FNDC3B: variants seen among roughly 807,000 people sequenced by gnomAD.
FNDC3B encodes the protein fibronectin type III domain containing 3B.
In FNDC3B, 12 loss-of-function variants were observed where a neutral mutation model predicts 151.5. The observed-to-expected ratio is 0.08, with a 90% CI of 0.05 to 0.13. FNDC3B has a LOEUF of 0.13. Among genes scored for constraint, FNDC3B ranks in the 10% least tolerant of loss-of-function variants. The probability of loss-of-function intolerance (pLI) is 1.00; values close to 1 mark genes in which losing one functional copy is unlikely to be tolerated. For missense variants in FNDC3B, 1,214 were observed against 1,505.3 expected (o/e 0.81, Z 3.20); for synonymous variants, 528 against 549.0 (o/e 0.96, Z 0.54).
intron 3 of FNDC3B, among the ~76,000 whole-genome samples, chr3:172,221,565 A>T (rs191359106): frequency 6.6e-6 from 1 of 152,220 alleles, no homozygotes; most frequent in South Asian, 2.1e-4. Context: ...GATGATGTGG[A>T]TGCACACTGA....
At chr3:172,074,478 G>C (rs1350959597) in intron 1 of FNDC3B, among the ~76,000 whole-genome samples, 4 of 152,166 alleles carry the variant, frequency 2.6e-5, no homozygotes, top group Non-Finnish European at 5.9e-5. Flanking sequence ...GATTAGTTCT[G>C]TTTAACAGCA....
intron 3 of FNDC3B, among the ~76,000 whole-genome samples, chr3:172,194,998 G>A (rs937043084): frequency 1.2e-4 from 19 of 152,094 alleles, no homozygotes; most frequent in Non-Finnish European, 7.4e-5. Flanking sequence ...AGTTTCCAAG[G>A]TTATAACTAA....
intron 6 of FNDC3B, among the ~76,000 whole-genome samples, chr3:172,280,384 G>A (rs1313533952): frequency 1.3e-5 from 2 of 152,004 alleles, no homozygotes; most frequent in Non-Finnish European, 2.9e-5. Flanking sequence ...TTTTCATATT[G>A]ATTGTTTACT....
At chr3:172,145,112 T>C (rs546353881) in intron 3 of FNDC3B, among the ~76,000 whole-genome samples, 155 of 152,286 alleles carry the variant, frequency 1.0e-3, no homozygotes, top group Admixed American at 4.4e-3. Flanking sequence ...ATAATACCTT[T>C]TTGGATGCTT....
intron 2 of FNDC3B, among the ~76,000 whole-genome samples, chr3:172,117,439 C>T (rs1720317874): frequency 6.6e-6 from 1 of 152,170 alleles, no homozygotes; most frequent in African/African-American, 2.4e-5. Flanking sequence ...TAAAATGTAG[C>T]AGCCAGTTTT....
Position 172,352,884 on chromosome 3 carries a change from A to G in FNDC3B, c.2596A>G (p.Thr866Ala), listed in dbSNP as rs1733925656. The G allele has an allele frequency of 2.5e-6, 4 of 1,613,400 alleles. No homozygotes were observed. In the East Asian group the frequency reaches 8.9e-5, roughly 36 times the overall value. The change falls in exon 22 of 26, where the codon ACT becomes GCT. Residue 866 changes from threonine to alanine, a missense_variant. This residue lies in a region of FNDC3B where 380 missense variants were observed against 420.9 expected (regional missense o/e 0.90). Transcript: ENST00000415807. This position sits in a 1 kb window ranked among gnomAD's most constrained non-coding sequence, Gnocchi z 4.2. Reference protein sequence around the residue: ...TPASAPDPVSTLCVLEEEPLD... With the variant: ...TPASAPDPVSALCVLEEEPLD... ...AGCGTCTGCCCCTGACCCCGTCTCC[A>G]CTCTCTGTGTCCTGGAGGAGGAGCC...
At chr3:172,251,716 TTA>T (rs1728090742) in intron 6 of FNDC3B, among the ~76,000 whole-genome samples, 175 bp downstream of exon 6, 1 of 152,250 alleles carries the variant, frequency 6.6e-6, no homozygotes. Flanking sequence ...ATTGCATTGT[TTA>T]TTTTTTATTA....
At chr3:172,120,479 G>C (rs1242390616) in intron 2 of FNDC3B, among the ~76,000 whole-genome samples, 6 of 152,018 alleles carry the variant, frequency 3.9e-5, no homozygotes, top group Non-Finnish European at 8.8e-5. Flanking sequence ...AAATCTTTTT[G>C]AATGGATGAA....
At chr3:172,379,430 G>A (rs1357885257) in intron 24 of FNDC3B, among the ~76,000 whole-genome samples, 1 of 152,244 alleles carries the variant, frequency 6.6e-6, no homozygotes, top group Non-Finnish European at 1.5e-5. Context: ...AGGGCACAAA[G>A]TCAATTATAG....
At chr3:172,078,384 C>A (rs889183800) in intron 1 of FNDC3B, among the ~76,000 whole-genome samples, 1 of 152,176 alleles carries the variant, frequency 6.6e-6, no homozygotes, top group African/African-American at 2.4e-5. Context: ...GAACCCTTCC[C>A]TCAATTTGAA....
chr3:172,361,942 A>T (rs1275425113), intron 22 of FNDC3B, among the ~76,000 whole-genome samples: 1 of 152,086 alleles, frequency 6.6e-6, no homozygotes, highest in South Asian at 2.1e-4. Context: ...AAAGTGCTGG[A>T]ATTACAGGTG....
intron 25 of FNDC3B, among the ~76,000 whole-genome samples, chr3:172,392,037 C>A (rs1160443309): frequency 6.6e-6 from 1 of 152,068 alleles, no homozygotes; most frequent in Non-Finnish European, 1.5e-5. Context: ...TGGGAAATAA[C>A]TTACAGTGAG....
intron 11 of FNDC3B, among the ~76,000 whole-genome samples, chr3:172,327,091 AT>A (rs938474490): frequency 2.5e-4 from 38 of 152,304 alleles, no homozygotes; most frequent in African/African-American, 7.5e-4. Context: ...AAGTGTATGC[AT>A]TTGAATAAAT....
chr3:172,140,463 CAGTT>C (rs1423694747), intron 3 of FNDC3B, among the ~76,000 whole-genome samples: 1 of 152,164 alleles, frequency 6.6e-6, no homozygotes, highest in African/African-American at 2.4e-5. Context: ...TTGCACATGA[CAGTT>C]AGCAATTCCT....
chr3:172,247,594 AT>A lies in FNDC3B; in HGVS notation c.327del (p.Pro111GlnfsTer17). Reference protein sequence around the residue: ...VVVTPQSPECYPPSYPSAMSP... With the variant: ...VVVTPQSPECXPPSYPSAMSP... ...GTCACACCCCAGTCTCCTGAGTGTTATCCCCCAAGCTACCCCTCAGCCATGT... is the reference window on the plus strand; with the variant it reads ...GTCACACCCCAGTCTCCTGAGTGTTACCCCCAAGCTACCCCTCAGCCATGT... On this transcript the variant is annotated frameshift_variant, in exon 5 of 26. Transcript: ENST00000415807. LOFTEE classifies it high-confidence loss of function. 1 of 1,614,018 alleles carries A rather than the reference AT, an allele frequency of 6.2e-7. No homozygotes were observed. The highest frequency in any genetic ancestry group is 8.5e-7 in the Non-Finnish European group (1 of 1,179,952).
chr3:172,250,848 G>C (rs780924503), intron 5 of FNDC3B, among the ~76,000 whole-genome samples: 14 of 152,150 alleles, frequency 9.2e-5, no homozygotes, highest in Admixed American at 3.9e-4. Flanking sequence ...ACAGAGTCTT[G>C]CTCTGTCGCT....
intron 25 of FNDC3B, among the ~76,000 whole-genome samples, chr3:172,392,483 G>A (rs1736058239): frequency 6.6e-6 from 1 of 152,154 alleles, no homozygotes; most frequent in Admixed American, 6.5e-5. Flanking sequence ...ACTACCAGGT[G>A]AACATTGGAA....
At chr3:172,294,871 A>G (rs552302067) in intron 7 of FNDC3B, among the ~76,000 whole-genome samples, 3 of 152,226 alleles carry the variant, frequency 2.0e-5, no homozygotes, top group African/African-American at 7.2e-5. Context: ...ATCTATAATG[A>G]TATTAATCCC....
At chr3:172,291,084 GA>G (rs950311829) in intron 7 of FNDC3B, among the ~76,000 whole-genome samples, 1 of 152,046 alleles carries the variant, frequency 6.6e-6, no homozygotes, top group African/African-American at 2.4e-5. Context: ...TAAAATATCA[GA>G]AAAAAATGGA....
Sources: gnomAD v4.1 joint callset for allele counts (sites outside exome capture counted in the v4.1 genomes callset) on GRCh38, gnomAD v4.1.1 for gene constraint, gnomAD v4.1.1 regional missense constraint, Gnocchi (gnomAD v3.1) non-coding constraint, MANE v1.5 for transcripts, NCBI Gene and HGNC (gene_info 2026-07-23, HGNC 2026-07-21) for gene names.